The following PELI2 variants were observed in gnomAD, a reference collection of about 807,000 sequenced individuals.
PELI2 encodes pellino E3 ubiquitin protein ligase family member 2.
In PELI2, 23 loss-of-function variants were observed where a neutral mutation model predicts 42.3. The ratio of observed to expected loss-of-function variants is 0.54; its 90% CI spans 0.39 to 0.77. The LOEUF (loss-of-function observed/expected upper bound fraction) is 0.77, where lower values mean the gene tolerates loss of function less well. PELI2 is among the 30% of genes least tolerant of loss of function. PELI2 has a pLI of 0.00. For synonymous variants in PELI2, 245 were observed against 212.2 expected (o/e 1.15, Z -1.34); for missense variants, 463 against 553.2 (o/e 0.84, Z 1.64).
At chr14:56,157,161 A>G (rs553018498) in intron 1 of PELI2, among the ~76,000 whole-genome samples, 33 of 152,318 alleles carry the variant, frequency 2.2e-4, no homozygotes, top group African/African-American at 7.7e-4. Context: ...ACTTCTAGGT[A>G]ATATACTTTT....
At chr14:56,247,485 A>G (rs1428543524) in intron 2 of PELI2, among the ~76,000 whole-genome samples, 1 of 152,214 alleles carries the variant, frequency 6.6e-6, no homozygotes, top group Non-Finnish European at 1.5e-5. Context: ...ATATAAATGT[A>G]CATTTATCAC....
chr14:56,169,078 G>A (rs242403), intron 1 of PELI2, among the ~76,000 whole-genome samples: 1 of 152,084 alleles, frequency 6.6e-6, no homozygotes, highest in Admixed American at 6.5e-5. Flanking sequence ...CCACTCTACC[G>A]TCTCCTCTCT....
intron 2 of PELI2, among the ~76,000 whole-genome samples, chr14:56,236,853 G>A (rs1449482355): frequency 3.9e-5 from 6 of 152,168 alleles, no homozygotes; most frequent in Admixed American, 2.6e-4. Context: ...GAGGTGCATG[G>A]ATCTCTCCCT....
Position 56,299,691 on chromosome 14 carries a change from G to A in PELI2, c.*2525G>A, listed in dbSNP as rs1290934445. The A allele has an allele frequency of 6.6e-6, 1 of 152,024 alleles. No individual in the cohort carries two copies. The highest frequency in any genetic ancestry group is 2.4e-5 in the African/African-American group (1 of 41,398). The allele number at this position is 152,024 out of a possible 1,614,324, so 9.4% of individuals were successfully genotyped here. ...AGGTGGAGAAACGCAATTCAGAAAA[G>A]TAATTTCTCCAAGGTCACTTCTTTT... On this transcript the variant is annotated 3_prime_UTR_variant, in exon 6 of 6. Transcript: ENST00000267460.
At chr14:56,126,503 C>A (rs1883269090) in intron 1 of PELI2, among the ~76,000 whole-genome samples, 1 of 152,150 alleles carries the variant, frequency 6.6e-6, no homozygotes, top group Non-Finnish European at 1.5e-5. Context: ...TTTGTACTTC[C>A]ATTCTTATTA....
intron 2 of PELI2, among the ~76,000 whole-genome samples, chr14:56,275,610 C>A (rs1889263514): frequency 6.6e-6 from 1 of 152,116 alleles, no homozygotes; most frequent in African/African-American, 2.4e-5. Context: ...CTATGAGAAC[C>A]TAATGCCGCT....
At chr14:56,242,615 CAGTG>C (rs1888014606) in intron 2 of PELI2, among the ~76,000 whole-genome samples, 1 of 152,126 alleles carries the variant, frequency 6.6e-6, no homozygotes, top group South Asian at 2.1e-4. Context: ...GTCCATCAGT[CAGTG>C]AGTGGATAAA....
chr14:56,233,781 TG>T (rs1301292973), intron 2 of PELI2, among the ~76,000 whole-genome samples: 1 of 152,220 alleles, frequency 6.6e-6, no homozygotes, highest in African/African-American at 2.4e-5. Context: ...AAAGAGCTTC[TG>T]CACAGCAAAA....
intron 1 of PELI2, among the ~76,000 whole-genome samples, chr14:56,132,635 T>C (rs1315689056): frequency 2.0e-5 from 3 of 152,160 alleles, no homozygotes; most frequent in African/African-American, 4.8e-5. Flanking sequence ...GTTACCTCCA[T>C]TCAGATCAAA....
intron 1 of PELI2, among the ~76,000 whole-genome samples, chr14:56,124,453 C>T (rs185797379): frequency 1.1e-3 from 162 of 152,352 alleles, no homozygotes; most frequent in Admixed American, 2.8e-3. Context: ...CTCTTCCAGG[C>T]ATGAGGAATA....
At position 56,288,423 on chromosome 14, in the gene PELI2, T is replaced by C. The variant is rs1433787502; in HGVS notation, c.310-14T>C. ...ATTTTCCAAGTGAATCACGAGTACA[T>C]TTGATTTACTTAGGTGGGCAGATCA... On this transcript the variant is annotated splice_polypyrimidine_tract_variant and intron_variant, in intron 3 of 5. Transcript: ENST00000267460. The surrounding 1 kb of genome is among the most constrained non-coding windows in gnomAD (Gnocchi z 4.6). The C allele has an allele frequency of 6.2e-7, 1 of 1,603,472 alleles. No homozygotes were observed. Among genetic ancestry groups the C allele is most frequent in the Admixed American group, 1.7e-5 (1 of 59,878 alleles).
intron 1 of PELI2, among the ~76,000 whole-genome samples, chr14:56,136,035 A>T (rs1483422175): frequency 6.6e-6 from 1 of 152,216 alleles, no homozygotes. Context: ...AACACTGTAA[A>T]TTTAAAAGAT....
At chr14:56,134,001 A>G (rs1201823585) in intron 1 of PELI2, among the ~76,000 whole-genome samples, 7 of 152,198 alleles carry the variant, frequency 4.6e-5, no homozygotes, top group African/African-American at 1.4e-4. Flanking sequence ...ATAGGTACTT[A>G]GCTTATTTAT....
chr14:56,156,568 C>G (rs1884574486), intron 1 of PELI2, among the ~76,000 whole-genome samples: 1 of 152,200 alleles, frequency 6.6e-6, no homozygotes, highest in African/African-American at 2.4e-5. Context: ...GGATGCTTCA[C>G]TTGACATGAT....
intron 2 of PELI2, among the ~76,000 whole-genome samples, chr14:56,228,280 C>G (rs1887433445): frequency 6.6e-6 from 1 of 152,286 alleles, no homozygotes; most frequent in Admixed American, 6.5e-5. Flanking sequence ...TTCATCTTTC[C>G]CTTTTTCAGC....
At chr14:56,193,873 T>C (rs1049921627) in intron 2 of PELI2, among the ~76,000 whole-genome samples, 1 of 152,228 alleles carries the variant, frequency 6.6e-6, no homozygotes, top group Non-Finnish European at 1.5e-5. Context: ...GCCATTTTCC[T>C]AGAATGTTAG....
intron 2 of PELI2, among the ~76,000 whole-genome samples, chr14:56,178,977 G>C (rs185749968): frequency 6.6e-6 from 1 of 152,002 alleles, no homozygotes; most frequent in Non-Finnish European, 1.5e-5. Context: ...AATTTGTGTG[G>C]CTCATAGAAG....
At chr14:56,245,258 G>A (rs1224906666) in intron 2 of PELI2, among the ~76,000 whole-genome samples, 1 of 152,096 alleles carries the variant, frequency 6.6e-6, no homozygotes, top group South Asian at 2.1e-4. Flanking sequence ...CAGTGCATGA[G>A]TTGTGATTTT....
chr14:56,185,169 T>C (rs560887720), intron 2 of PELI2, among the ~76,000 whole-genome samples: 2 of 152,194 alleles, frequency 1.3e-5, no homozygotes, highest in Non-Finnish European at 2.9e-5. Flanking sequence ...ATAGAGTGAG[T>C]TTTAGATCAA....
Sources: gnomAD v4.1 joint callset for allele counts (sites outside exome capture counted in the v4.1 genomes callset) on GRCh38, gnomAD v4.1.1 for gene constraint, Gnocchi (gnomAD v3.1) non-coding constraint, MANE v1.5 for transcripts, NCBI Gene and HGNC (gene_info 2026-07-23, HGNC 2026-07-21) for gene names.